DOCK7: variants seen among roughly 807,000 people sequenced by gnomAD.
DOCK7 encodes the protein dedicator of cytokinesis protein 7.
In DOCK7, 138 loss-of-function variants were observed where a neutral mutation model predicts 271.0. That is an observed-to-expected ratio of 0.51 (90% CI 0.44 to 0.59). DOCK7 has a LOEUF of 0.59. DOCK7 is among the 20% of genes least tolerant of loss of function. DOCK7 has a pLI of 0.00. For missense variants in DOCK7, 2,066 were observed against 2,592.4 expected (o/e 0.80, Z 4.41); for synonymous variants, 823 against 876.1 (o/e 0.94, Z 1.07).
chr1:62,559,478 G>A (rs1646253019), intron 19 of DOCK7, among the ~76,000 whole-genome samples: 1 of 150,846 alleles, frequency 6.6e-6, no homozygotes, highest in African/African-American at 2.4e-5. Flanking sequence ...TGCTTTATTA[G>A]TTTGAAGTTC....
intron 38 of DOCK7, 149 bp downstream of exon 38, chr1:62,496,190 G>A (rs1646617265): frequency 1.3e-6 from 1 of 782,100 alleles, no homozygotes; most frequent in African/African-American, 1.8e-5. Context: ...AAAACAAAGA[G>A]ATTCAGTCCT....
intron 18 of DOCK7, among the ~76,000 whole-genome samples, chr1:62,563,329 A>G (rs1292447387): frequency 2.0e-5 from 3 of 152,176 alleles, no homozygotes; most frequent in Non-Finnish European, 4.4e-5. Flanking sequence ...AATGTCCTGG[A>G]TGTAATTAAA....
chr1:62,638,561 T>G (rs1011461183), intron 7 of DOCK7, among the ~76,000 whole-genome samples: 4 of 147,662 alleles, frequency 2.7e-5, no homozygotes, highest in African/African-American at 7.5e-5. Flanking sequence ...ATATATTTTT[T>G]CATGAATATA....
At chr1:62,577,892 G>A (rs1252663341) in intron 17 of DOCK7, among the ~76,000 whole-genome samples, 1 of 151,862 alleles carries the variant, frequency 6.6e-6, no homozygotes, top group African/African-American at 2.4e-5. Context: ...CTTCATCTTA[G>A]GTTTATCTTT....
At chr1:62,552,955 T>A in intron 21 of DOCK7, 54 bp from the exon 22 acceptor site, 1 of 1,333,830 alleles carries the variant, frequency 7.5e-7, no homozygotes, top group Non-Finnish European at 9.8e-7. Flanking sequence ...CAGGAAAGGA[T>A]CTGAAAAAAA....
In DOCK7 at chr1:62,505,765, CTT is replaced by C. The variant is rs1288055457; in HGVS notation, c.4526_4527del (p.Lys1509SerfsTer9). ...SKESILGGVL[K>X]VLLHSMACNQ... The stretch of plus-strand genomic sequence containing the variant: ...TTACAGGCCATGCTGTGTAGTAGCA[CTT>C]TTAGCACTCCACCAAGAATGCTCTC... On this transcript the variant is annotated frameshift_variant, in exon 36 of 50. Transcript: ENST00000635253. LOFTEE classifies it high-confidence loss of function. 6.2e-7 allele frequency: 1 copy of C among 1,613,342 alleles called. No individual in the cohort carries two copies. The highest frequency in any genetic ancestry group is 1.3e-5 in the African/African-American group (1 of 74,874).
rs1655330081 is a variant in DOCK7, at chr1:62,636,783, T to C, written c.819-180A>G. Among the ~76,000 whole-genome samples, 3 of 152,308 alleles carry C rather than the reference T, an allele frequency of 2.0e-5. No homozygotes were observed. The South Asian group carries it at 6.2e-4, about 32-fold the overall frequency. ...CTATGCATATCGTTCAGAGTCTAAA[T>C]CAACCTTATCTTCTCTAGTTAATCC... On this transcript the variant is annotated intron_variant, in intron 7 of 49. Transcript: ENST00000635253.
chr1:62,568,300 G>A (rs1646593979), intron 18 of DOCK7, among the ~76,000 whole-genome samples: 2 of 151,454 alleles, frequency 1.3e-5, no homozygotes, highest in South Asian at 2.1e-4. Context: ...TAAAAAGCTA[G>A]AAAGATTTTT....
At chr1:62,537,617 TA>T (rs1645390458) in intron 28 of DOCK7, among the ~76,000 whole-genome samples, 1 of 150,212 alleles carries the variant, frequency 6.7e-6, no homozygotes, top group Non-Finnish European at 1.5e-5. Context: ...ACTTGGGCTC[TA>T]AAATAAAGCC....
chr1:62,457,851 A>T, intron 48 of DOCK7, 146 bp from the exon 49 acceptor site: 1 of 722,094 alleles, frequency 1.4e-6, no homozygotes. Flanking sequence ...TCACACACAC[A>T]TACACACAAA....
intron 16 of DOCK7, among the ~76,000 whole-genome samples, chr1:62,581,479 G>A (rs915883056): frequency 5.3e-5 from 8 of 152,090 alleles, no homozygotes; most frequent in Non-Finnish European, 1.2e-4. Context: ...ATAGATATAT[G>A]AACACAGAGA....
intron 20 of DOCK7, among the ~76,000 whole-genome samples, chr1:62,556,819 A>G (rs1646159334): frequency 6.6e-6 from 1 of 152,168 alleles, no homozygotes; most frequent in South Asian, 2.1e-4. Flanking sequence ...GTCATTTAGG[A>G]AGATTAATCT....
At chr1:62,552,324 G>A (rs1645934879) in intron 22 of DOCK7, among the ~76,000 whole-genome samples, 2 of 152,080 alleles carry the variant, frequency 1.3e-5, no homozygotes, top group South Asian at 4.1e-4. Flanking sequence ...TTACAAAAAT[G>A]GAAAATTGTT....
chr1:62,651,820 T>C (rs1481448840), intron 4 of DOCK7, among the ~76,000 whole-genome samples: 1 of 152,198 alleles, frequency 6.6e-6, no homozygotes, highest in Non-Finnish European at 1.5e-5. Flanking sequence ...CTATTTCAAG[T>C]GTATTGGTTT....
chr1:62,457,139 C>T (rs570395689), intron 49 of DOCK7, among the ~76,000 whole-genome samples: 2 of 152,258 alleles, frequency 1.3e-5, no homozygotes, highest in Admixed American at 6.5e-5. Flanking sequence ...ACTAGGATTT[C>T]GTTGTAGAAA....
intron 20 of DOCK7, 39 bp from the exon 21 acceptor site, chr1:62,556,028 T>A: frequency 6.3e-7 from 1 of 1,593,192 alleles, no homozygotes; most frequent in African/African-American, 1.4e-5. Flanking sequence ...TGCTTTAACT[T>A]TTTTTAGACT....
chr1:62,547,477 T>C (rs1412855419), intron 22 of DOCK7, among the ~76,000 whole-genome samples: 2 of 152,180 alleles, frequency 1.3e-5, no homozygotes, highest in Non-Finnish European at 2.9e-5. Context: ...ATAAGATCCT[T>C]GAGCAAGGCC....
At chr1:62,473,295 G>A (rs1645881910) in intron 48 of DOCK7, among the ~76,000 whole-genome samples, 1 of 152,150 alleles carries the variant, frequency 6.6e-6, no homozygotes, top group South Asian at 2.1e-4. Flanking sequence ...CTGAACACAA[G>A]TTTTTTGCTT....
chr1:62,679,076 C>A (rs1287081616), intron 1 of DOCK7, among the ~76,000 whole-genome samples: 1 of 151,952 alleles, frequency 6.6e-6, no homozygotes, highest in Non-Finnish European at 1.5e-5. Context: ...GGCGGCAGGG[C>A]AGATTAATGG....
Sources: allele counts gnomAD v4.1 joint callset (sites outside exome capture counted in the v4.1 genomes callset), GRCh38; gene constraint gnomAD v4.1.1; transcripts MANE v1.5; gene names NCBI Gene and HGNC (gene_info 2026-07-23, HGNC 2026-07-21).